FHOD3: variants seen among roughly 807,000 people sequenced by gnomAD.
The protein encoded by FHOD3 is formin homology 2 domain containing 3, also known as FH1/FH2 domain-containing protein 3.
FHOD3 carries 90 observed loss-of-function variants against 173.0 expected under a neutral mutation model. The ratio of observed to expected loss-of-function variants is 0.52; its 90% CI spans 0.44 to 0.62. The LOEUF (loss-of-function observed/expected upper bound fraction) is 0.62. Ranked by LOEUF, FHOD3 falls within the 20% of genes least tolerant of loss-of-function variation. The pLI is 0.00. For missense variants in FHOD3, 1,945 were observed against 2,034.7 expected, an observed-to-expected ratio of 0.96 and a Z score of 0.85; for synonymous variants, 828 against 823.0, an observed-to-expected ratio of 1.01 and a Z score of -0.10.
At chr18:36,440,431 C>T (rs12607992) in intron 3 of FHOD3, among the ~76,000 whole-genome samples, 18,474 of 152,264 alleles carry the variant, frequency 0.12, 1,378 homozygotes, top group East Asian at 0.29. Context: ...AAGGGCCACA[C>T]GTCGGGGAGG....
chr18:36,333,690 G>A (rs1249124926), intron 1 of FHOD3, among the ~76,000 whole-genome samples: 1 of 152,124 alleles, frequency 6.6e-6, no homozygotes, highest in African/African-American at 2.4e-5. Flanking sequence ...TGGCACCTGG[G>A]TACTTATTAG....
At chr18:36,446,942 G>A (rs1184411900) in intron 3 of FHOD3, among the ~76,000 whole-genome samples, 1 of 152,100 alleles carries the variant, frequency 6.6e-6, no homozygotes, top group East Asian at 1.9e-4. Context: ...GAGGGGAAAG[G>A]CCACCCTGCA....
intron 1 of FHOD3, among the ~76,000 whole-genome samples, chr18:36,305,950 G>A (rs1356125990): frequency 6.6e-6 from 1 of 152,196 alleles, no homozygotes; most frequent in African/African-American, 2.4e-5. Context: ...TGAGCATGTG[G>A]TGACATTGGG....
At position 36,755,282 on chromosome 18, in the gene FHOD3, A is replaced by G. The variant is rs1411058842; in HGVS notation, c.4396A>G (p.Asn1466Asp). The change falls in exon 25 of 29, where the codon AAT (asparagine) becomes GAT (aspartate). Residue 1466 changes from asparagine to aspartate, a missense_variant. Physicochemically the swap from Asn to Asp is conservative, Grantham distance 23. Transcript: ENST00000590592. ...GAAACGGGCCAACCACAGAGAGAGA[A>G]ATAAGACCAGAGGGAAGATGATCAC... ...KQKRANHRER[N>D]KTRGKMITDT... 6.2e-7 allele frequency: 1 copy of G among 1,604,578 alleles called. No homozygotes were observed. Among genetic ancestry groups the G allele is most frequent in the Non-Finnish European group, 8.5e-7 (1 of 1,174,440 alleles).
At chr18:36,777,816 A>C (rs2043796605) in intron 28 of FHOD3, 2 of 152,176 alleles carry the variant, frequency 1.3e-5, no homozygotes. Context: ...GAGCTAGTGC[A>C]AGAACAGCTA....
chr18:36,673,218 T>C (rs1459765758), intron 14 of FHOD3, among the ~76,000 whole-genome samples: 2 of 152,214 alleles, frequency 1.3e-5, no homozygotes, highest in Non-Finnish European at 2.9e-5. Context: ...GCTAGTTGTC[T>C]TGTATCGTTC....
chr18:36,750,861 G>A (rs544944652), intron 24 of FHOD3, among the ~76,000 whole-genome samples: 28 of 152,292 alleles, frequency 1.8e-4, no homozygotes, highest in African/African-American at 6.5e-4. Flanking sequence ...TTCTGTACTA[G>A]TACTATGCTG....
At position 36,779,564 on chromosome 18, in the gene FHOD3, A is replaced by G. The variant is rs1487127548; in HGVS notation, c.*34A>G. 2.5e-6 allele frequency: 4 copies of G among 1,599,232 alleles called. No individual in the cohort carries two copies. The African/African-American group carries it at 5.4e-5, about 21-fold the overall frequency. Reference sequence around the variant, plus strand: ...GGTTACTCCCAGGAGTGTGCTGAGCAGAAGGCAAGCTCTTGCTGGATGAAA... The same window carrying G: ...GGTTACTCCCAGGAGTGTGCTGAGCGGAAGGCAAGCTCTTGCTGGATGAAA... On this transcript the variant is annotated 3_prime_UTR_variant, in exon 29 of 29. Coordinates refer to ENST00000590592, the MANE Select transcript of FHOD3 (RefSeq NM_001281740.3).
intron 16 of FHOD3, 184 bp from the exon 17 acceptor site, chr18:36,693,025 A>AT: frequency 1.6e-6 from 1 of 625,010 alleles, no homozygotes; most frequent in Non-Finnish European, 2.8e-6. Flanking sequence ...GTGACGTGGG[A>AT]TTTTTAATCA....
chr18:36,403,533 G>T (rs886425483), intron 3 of FHOD3, among the ~76,000 whole-genome samples: 1 of 152,002 alleles, frequency 6.6e-6, no homozygotes, highest in Admixed American at 6.6e-5. Context: ...TATCACTTAC[G>T]GATCTTACTG....
At chr18:36,559,068 T>C (rs899709178) in intron 5 of FHOD3, among the ~76,000 whole-genome samples, 1 of 152,166 alleles carries the variant, frequency 6.6e-6, no homozygotes, top group Non-Finnish European at 1.5e-5. Flanking sequence ...TCTTCACCTA[T>C]TGTAGTATCT....
chr18:36,654,423 A>G (rs2036273630), intron 13 of FHOD3, among the ~76,000 whole-genome samples: 1 of 152,146 alleles, frequency 6.6e-6, no homozygotes, highest in Admixed American at 6.5e-5. Flanking sequence ...ATAAGTTTAA[A>G]TTGTTGATAT....
rs369868511 is a variant in FHOD3, at chr18:36,339,783, A to G, written c.166-15756A>G. 3.9e-5 allele frequency among the ~76,000 whole-genome samples: 6 copies of G among 152,330 alleles called. No individual in the cohort carries two copies. In the East Asian group the frequency reaches 1.2e-3, roughly 29 times the overall value. On this transcript the variant is annotated intron_variant, in intron 1 of 28. Transcript: ENST00000590592. Reference sequence around the variant, plus strand: ...AGTATCCCCGTGCCTGAGAAAGTACAATAGTAAATAGCTGATTTTAAAAAA... The same window carrying G: ...AGTATCCCCGTGCCTGAGAAAGTACGATAGTAAATAGCTGATTTTAAAAAA...
chr18:36,709,278 AGAACGAGGGGGT>A lies in FHOD3; in HGVS notation c.2428_2439del (p.Gly810_Glu813del). On this transcript the variant is annotated inframe_deletion, in exon 18 of 29. Coordinates refer to ENST00000590592, the MANE Select transcript of FHOD3 (RefSeq NM_001281740.3). ...GCCTCCCTCAGTGAAAAAGAGAGGC[AGAACGAGGGGGT>A]GAACGAGAGGGACAACTGCTCTGCC... 1 of 1,614,256 alleles carries A rather than the reference AGAACGAGGGGGT, an allele frequency of 6.2e-7. No individual in the cohort carries two copies. Among genetic ancestry groups the A allele is most frequent in the Non-Finnish European group, 8.5e-7 (1 of 1,180,050 alleles).
At chr18:36,462,656 G>C (rs2052628378) in intron 3 of FHOD3, among the ~76,000 whole-genome samples, 1 of 152,180 alleles carries the variant, frequency 6.6e-6, no homozygotes, top group Non-Finnish European at 1.5e-5. Flanking sequence ...ACCCAAGCTA[G>C]AGTGCAGTGG....
intron 5 of FHOD3, among the ~76,000 whole-genome samples, chr18:36,560,195 C>T (rs576310861): frequency 6.6e-6 from 1 of 152,320 alleles, no homozygotes; most frequent in East Asian, 1.9e-4. Context: ...CTGTTCACTG[C>T]TGCTCCTTTC....
At chr18:36,348,267 G>A (rs1045360816) in intron 1 of FHOD3, among the ~76,000 whole-genome samples, 2 of 152,172 alleles carry the variant, frequency 1.3e-5, no homozygotes, top group Non-Finnish European at 2.9e-5. Context: ...TACCATTTGA[G>A]GGGGGAAACA....
chr18:36,691,605 C>A (rs1176345796), intron 16 of FHOD3, among the ~76,000 whole-genome samples: 1 of 151,910 alleles, frequency 6.6e-6, no homozygotes, highest in East Asian at 1.9e-4. Flanking sequence ...TCTCTTACCC[C>A]TCAAGAGGTG....
intron 2 of FHOD3, among the ~76,000 whole-genome samples, chr18:36,370,047 G>A (rs552137346): frequency 6.6e-6 from 1 of 152,276 alleles, no homozygotes; most frequent in South Asian, 2.1e-4. Context: ...TGGAAGCAGG[G>A]GTAGGGAAGG....
Sources: allele counts gnomAD v4.1 joint callset (sites outside exome capture counted in the v4.1 genomes callset), GRCh38; gene constraint gnomAD v4.1.1; transcripts MANE v1.5; gene names NCBI Gene and HGNC (gene_info 2026-07-23, HGNC 2026-07-21).